The following EEPD1 variants were observed in gnomAD, a reference collection of about 807,000 sequenced individuals.
The protein encoded by EEPD1 is endonuclease/exonuclease/phosphatase family domain-containing protein 1.
In EEPD1, 17 loss-of-function variants were observed where a neutral mutation model predicts 46.3. The ratio of observed to expected loss-of-function variants is 0.37; its 90% CI spans 0.25 to 0.55. The LOEUF is 0.55. Among genes scored for constraint, EEPD1 ranks in the 20% least tolerant of loss-of-function variants. The probability of loss-of-function intolerance (pLI) is 0.83; values close to 1 mark genes in which losing one functional copy is unlikely to be tolerated. For synonymous variants in EEPD1, 313 were observed against 315.6 expected, an observed-to-expected ratio of 0.99 and a Z score of 0.09; for missense variants, 673 against 745.6, an observed-to-expected ratio of 0.90 and a Z score of 1.13.
chr7:36,291,276 C>G (rs531229240), intron 6 of EEPD1, among the ~76,000 whole-genome samples: 1 of 152,198 alleles, frequency 6.6e-6, no homozygotes, highest in South Asian at 2.1e-4. Flanking sequence ...TTGTCTGTTG[C>G]TCACATATTT....
intron 2 of EEPD1, among the ~76,000 whole-genome samples, chr7:36,207,072 C>CA (rs1029383973): frequency 5.9e-5 from 9 of 151,698 alleles, no homozygotes; most frequent in East Asian, 5.8e-4. Flanking sequence ...AAAACAACAA[C>CA]AAAAAAAACT....
At chr7:36,269,347 G>A (rs1787068175) in intron 3 of EEPD1, among the ~76,000 whole-genome samples, 1 of 152,154 alleles carries the variant, frequency 6.6e-6, no homozygotes. Context: ...TCTTGTGTCA[G>A]TCAGCGATTT....
In EEPD1 at chr7:36,154,088, T is replaced by G; in HGVS notation, c.-192-45T>G. On this transcript the variant is annotated intron_variant, in intron 1 of 7. Coordinates refer to ENST00000242108, the MANE Select transcript of EEPD1 (RefSeq NM_030636.3). This position sits in a 1 kb window ranked among gnomAD's most constrained non-coding sequence, Gnocchi z 4.2. ...ACTAGGTAGGGGGTGCTAATGCAAA[T>G]TTCTTAATTCAATGGGTTTCTATGT... The G allele has an allele frequency of 1.7e-6, 1 of 578,226 alleles. No individual in the cohort carries two copies. Among genetic ancestry groups the G allele is most frequent in the Non-Finnish European group, 3.0e-6 (1 of 330,616 alleles). The allele number at this position is 578,226 out of a possible 1,614,324, so 35.8% of individuals were successfully genotyped here. A position where few individuals can be genotyped will look rare whatever the true frequency, so the allele number is the denominator to read the frequency against.
chr7:36,187,485 C>T (rs1444073148), intron 2 of EEPD1, among the ~76,000 whole-genome samples: 1 of 152,148 alleles, frequency 6.6e-6, no homozygotes, highest in Non-Finnish European at 1.5e-5. Context: ...CTCCTACCAC[C>T]GGGTTTTTAT....
chr7:36,219,176 A>G (rs1050883954), intron 2 of EEPD1, among the ~76,000 whole-genome samples: 1 of 152,146 alleles, frequency 6.6e-6, no homozygotes, highest in African/African-American at 2.4e-5. Flanking sequence ...TGTGATAATG[A>G]TAATGCTAAT....
chr7:36,209,049 A>G (rs1476222057), intron 2 of EEPD1, among the ~76,000 whole-genome samples: 1 of 152,180 alleles, frequency 6.6e-6, no homozygotes, highest in Non-Finnish European at 1.5e-5. Flanking sequence ...AAGTTGTGCA[A>G]CCATTTCTGT....
chr7:36,229,727 C>A (rs1050348500), intron 2 of EEPD1, among the ~76,000 whole-genome samples: 6 of 150,364 alleles, frequency 4.0e-5, no homozygotes, highest in Admixed American at 4.0e-4. Context: ...GCACTCTCCC[C>A]CTATGGCTGC....
chr7:36,222,045 G>A (rs1451715088), intron 2 of EEPD1, among the ~76,000 whole-genome samples: 1 of 152,000 alleles, frequency 6.6e-6, no homozygotes, highest in Admixed American at 6.6e-5. Flanking sequence ...ATTGTATTCA[G>A]GATCGTTAAC....
intron 3 of EEPD1, among the ~76,000 whole-genome samples, chr7:36,252,623 A>G (rs977010267): frequency 3.5e-5 from 4 of 115,754 alleles, no homozygotes; most frequent in Non-Finnish European, 6.0e-5. Flanking sequence ...GCGCCAGGGA[A>G]AATGCACACG....
At chr7:36,276,699 A>G (rs1787186451) in intron 3 of EEPD1, among the ~76,000 whole-genome samples, 1 of 152,256 alleles carries the variant, frequency 6.6e-6, no homozygotes, top group Admixed American at 6.5e-5. Flanking sequence ...TGAGCTTCTC[A>G]AACTGTACTT....
Position 36,158,005 on chromosome 7 carries a change from C to T in EEPD1, c.878+2803C>T, listed in dbSNP as rs114598408. 1.7e-3 allele frequency among the ~76,000 whole-genome samples: 254 copies of T among 152,314 alleles called. 2 individuals carry two copies. The highest frequency in any genetic ancestry group is 5.5e-3 in the African/African-American group (230 of 41,556). On this transcript the variant is annotated intron_variant, in intron 2 of 7. Transcript: ENST00000242108. ...GGCTCTTATTTACATCCATGTGTAC[C>T]TGTAATAAAAGAGTTTCCTAACTTT...
intron 2 of EEPD1, among the ~76,000 whole-genome samples, chr7:36,157,062 A>C (rs916330111): frequency 6.6e-6 from 1 of 152,236 alleles, no homozygotes; most frequent in Admixed American, 6.5e-5. Context: ...AACTATTTAC[A>C]TAACATTTAC....
rs146980085 is a variant in EEPD1 at position 36,218,591 on chromosome 7, T to A, written c.879-20394T>A. Among the ~76,000 whole-genome samples the A allele has an allele frequency of 2.9e-4, 44 of 152,238 alleles. No individual in the cohort carries two copies. In the East Asian group the frequency reaches 8.3e-3, roughly 29 times the overall value. ...ACGCTGAGCAAAGGGAGGGTTCACA[T>A]CCCTGGTGAGACACAGCGGTGCAGT... On this transcript the variant is annotated intron_variant, in intron 2 of 7. Transcript: ENST00000242108.
At chr7:36,160,140 C>T (rs1257095681) in intron 2 of EEPD1, among the ~76,000 whole-genome samples, 1 of 152,224 alleles carries the variant, frequency 6.6e-6, no homozygotes, top group Non-Finnish European at 1.5e-5. Context: ...CTTACTCACT[C>T]ATTCACCCAT....
In EEPD1 at chr7:36,202,394, T is replaced by C. The variant is rs2726089; in HGVS notation, c.879-36591T>C. On this transcript the variant is annotated intron_variant, in intron 2 of 7. Transcript: ENST00000242108. The stretch of plus-strand genomic sequence containing the variant: ...GGTGCTGCTTATTTTCTGCAGGGAC[T>C]TGGGTTTCTCATCCTGTTCGCTAGC... Among the ~76,000 whole-genome samples, 1,236 of 152,254 alleles carry C rather than the reference T, an allele frequency of 8.1e-3. 8 individuals carry two copies. Among genetic ancestry groups the C allele is most frequent in the Non-Finnish European group, 0.012 (847 of 68,008 alleles).
At chr7:36,243,308 G>GT (rs5883540) in intron 3 of EEPD1, among the ~76,000 whole-genome samples, 30,983 of 147,508 alleles carry the variant, frequency 0.21, 3,327 homozygotes, top group East Asian at 0.37. Context: ...ATTAAGCCTG[G>GT]TTTTTTTTTT....
At chr7:36,170,452 C>T (rs763651948) in intron 2 of EEPD1, among the ~76,000 whole-genome samples, 2 of 148,672 alleles carry the variant, frequency 1.3e-5, no homozygotes, top group African/African-American at 2.5e-5. Flanking sequence ...ATGTTTATTT[C>T]CTGTTCTTTT....
intron 2 of EEPD1, among the ~76,000 whole-genome samples, chr7:36,199,806 C>A (rs141268140): frequency 6.6e-6 from 1 of 151,982 alleles, no homozygotes; most frequent in African/African-American, 2.4e-5. Flanking sequence ...GGTCGTGCAC[C>A]GTGAGTACCA....
Position 36,259,514 on chromosome 7 carries a change from A to C in EEPD1, c.930+20478A>C, listed in dbSNP as rs189415667. ...GTTATAATAATTATTCATATATATA[A>C]TTTTTTTTCTTTGAGACAGGGTCTC... On this transcript the variant is annotated intron_variant, in intron 3 of 7. Transcript: ENST00000242108. Among the ~76,000 whole-genome samples the C allele has an allele frequency of 3.9e-4, 59 of 151,806 alleles. 1 individual carries two copies. Among genetic ancestry groups the C allele is most frequent in the Middle Eastern group, 6.8e-3 (2 of 294 alleles).
Sources: gnomAD v4.1 joint callset for allele counts (sites outside exome capture counted in the v4.1 genomes callset) on GRCh38, gnomAD v4.1.1 for gene constraint, Gnocchi (gnomAD v3.1) non-coding constraint, MANE v1.5 for transcripts, NCBI Gene and HGNC (gene_info 2026-07-23, HGNC 2026-07-21) for gene names.